Variants in GRAMD2B observed in about 807,000 individuals in gnomAD.
The protein encoded by GRAMD2B is GRAM domain containing 2B.
A neutral mutation model predicts 59.2 loss-of-function variants in GRAMD2B; 41 were observed. That is an observed-to-expected ratio of 0.69 (90% CI 0.54 to 0.90). The LOEUF (loss-of-function observed/expected upper bound fraction) is 0.90, where lower values mean the gene tolerates loss of function less well. GRAMD2B is among the 40% of genes least tolerant of loss of function. GRAMD2B has a pLI of 0.00. For missense variants in GRAMD2B, 424 were observed against 500.5 expected (o/e 0.85, Z 1.46); for synonymous variants, 161 against 182.7 (o/e 0.88, Z 0.96).
chr5:126,412,664 G>A (rs966929936), intron 1 of GRAMD2B, among the ~76,000 whole-genome samples: 3 of 152,032 alleles, frequency 2.0e-5, no homozygotes, highest in African/African-American at 7.2e-5. Flanking sequence ...CAATTTTTTG[G>A]AATAGTTTCA....
intron 1 of GRAMD2B, among the ~76,000 whole-genome samples, chr5:126,450,652 TA>T (rs10544199): frequency 0.025 from 2,422 of 96,010 alleles, 62 homozygotes; most frequent in Non-Finnish European, 0.036. Flanking sequence ...AGCCTGCTGT[TA>T]AAAAAAAAAA....
chr5:126,439,808 G>A (rs937987446), intron 1 of GRAMD2B, among the ~76,000 whole-genome samples: 4 of 152,140 alleles, frequency 2.6e-5, no homozygotes, highest in African/African-American at 7.2e-5. Flanking sequence ...GGAGCCAGTG[G>A]GAGGTAATTG....
chr5:126,449,883 C>T (rs956450273), intron 1 of GRAMD2B, among the ~76,000 whole-genome samples: 3 of 152,240 alleles, frequency 2.0e-5, no homozygotes, highest in African/African-American at 7.2e-5. Flanking sequence ...ATGTGTGTGG[C>T]TCTGCACTGT....
upstream of GRAMD2B, among the ~76,000 whole-genome samples, chr5:126,366,876 A>C (rs1214683011): frequency 1.9e-5 from 2 of 106,686 alleles, no homozygotes; most frequent in Non-Finnish European, 3.5e-5. Flanking sequence ...TCTTTTTGAG[A>C]TGGAGTCTCG....
At chr5:126,383,731 A>T (rs1049911313) in intron 1 of GRAMD2B, among the ~76,000 whole-genome samples, 1 of 152,216 alleles carries the variant, frequency 6.6e-6, no homozygotes. Flanking sequence ...GGACGAATTT[A>T]TTCACCCAGC....
chr5:126,365,873 G>C (rs955761678), intron 1 of GRAMD2B, among the ~76,000 whole-genome samples: 3 of 152,132 alleles, frequency 2.0e-5, no homozygotes, highest in Non-Finnish European at 4.4e-5. Context: ...ACTTACCCAA[G>C]CTGGTGGATA....
chr5:126,432,812 C>A (rs754601104), intron 1 of GRAMD2B, among the ~76,000 whole-genome samples: 1 of 152,158 alleles, frequency 6.6e-6, no homozygotes, highest in Non-Finnish European at 1.5e-5. Context: ...TGATCAGGAT[C>A]TTTTCTGAAA....
intron 1 of GRAMD2B, among the ~76,000 whole-genome samples, chr5:126,382,480 T>C (rs182380104): frequency 1.1e-3 from 165 of 152,310 alleles, no homozygotes; most frequent in African/African-American, 3.8e-3. Flanking sequence ...TTGATTCTAT[T>C]GTTGAGACAT....
intron 5 of GRAMD2B, among the ~76,000 whole-genome samples, chr5:126,476,994 G>C (rs1440631357): frequency 6.6e-6 from 1 of 152,170 alleles, no homozygotes; most frequent in African/African-American, 2.4e-5. Context: ...GTAGATACAG[G>C]TTGAGAATCC....
chr5:126,421,561 A>G (rs2149775969), upstream of GRAMD2B, among the ~76,000 whole-genome samples: 1 of 152,336 alleles, frequency 6.6e-6, no homozygotes, highest in East Asian at 1.9e-4. Context: ...GTCAGTGGTC[A>G]GGAAAGAAAA....
At chr5:126,455,138 T>C (rs1766050100) in intron 1 of GRAMD2B, among the ~76,000 whole-genome samples, 1 of 152,174 alleles carries the variant, frequency 6.6e-6, no homozygotes, top group Non-Finnish European at 1.5e-5. Flanking sequence ...TGTCTGCTTC[T>C]TGCCTTCAGA....
intron 11 of GRAMD2B, among the ~76,000 whole-genome samples, chr5:126,486,050 T>G (rs747463478): frequency 5.3e-5 from 8 of 152,188 alleles, no homozygotes; most frequent in Non-Finnish European, 1.2e-4. Context: ...TTACCCTTGT[T>G]ATTTTTTTTA....
intron 1 of GRAMD2B, among the ~76,000 whole-genome samples, chr5:126,362,199 C>T (rs368079866): frequency 5.2e-4 from 79 of 152,268 alleles, no homozygotes; most frequent in African/African-American, 1.7e-3. Flanking sequence ...ATTCTGAAGA[C>T]CAAACGATTT....
At chr5:126,443,801 A>G (rs907827098) in intron 1 of GRAMD2B, among the ~76,000 whole-genome samples, 1 of 152,162 alleles carries the variant, frequency 6.6e-6, no homozygotes, top group African/African-American at 2.4e-5. Flanking sequence ...TGTAATCCCA[A>G]CACTTTGGGA....
chr5:126,412,373 G>A (rs537898870), intron 1 of GRAMD2B, among the ~76,000 whole-genome samples: 1 of 152,036 alleles, frequency 6.6e-6, no homozygotes, highest in Non-Finnish European at 1.5e-5. Context: ...TAATCATATG[G>A]TTTTTGTTTT....
intron 1 of GRAMD2B, among the ~76,000 whole-genome samples, chr5:126,383,355 T>C (rs989042907): frequency 1.3e-5 from 2 of 152,202 alleles, no homozygotes; most frequent in African/African-American, 2.4e-5. Context: ...GTTGCCTCCT[T>C]GTGTAATTAT....
At chr5:126,435,085 T>C (rs1210473130) in intron 1 of GRAMD2B, among the ~76,000 whole-genome samples, 1 of 152,206 alleles carries the variant, frequency 6.6e-6, no homozygotes, top group Admixed American at 6.5e-5. Flanking sequence ...AAGTAAGTAA[T>C]TCAGCAAGCA....
At chr5:126,365,815 CA>C (rs1294137821) in intron 1 of GRAMD2B, among the ~76,000 whole-genome samples, 6 of 151,918 alleles carry the variant, frequency 3.9e-5, no homozygotes, top group Non-Finnish European at 8.8e-5. Context: ...TCAACTATCT[CA>C]AATCATTTTA....
intron 10 of GRAMD2B, among the ~76,000 whole-genome samples, chr5:126,484,901 C>T (rs569469004): frequency 3.3e-5 from 5 of 152,238 alleles, no homozygotes; most frequent in African/African-American, 9.6e-5. Context: ...AACTGGGTTT[C>T]ACCTTATGAC....
Sources: gnomAD v4.1 joint callset for allele counts (sites outside exome capture counted in the v4.1 genomes callset) on GRCh38, gnomAD v4.1.1 for gene constraint, MANE v1.5 for transcripts, NCBI Gene and HGNC (gene_info 2026-07-23, HGNC 2026-07-21) for gene names.